Variants in KCNH1 observed in about 807,000 individuals in gnomAD.
KCNH1 encodes voltage-gated delayed rectifier potassium channel KCNH1.
Under a neutral mutation model 69.2 loss-of-function variants are expected in KCNH1, and 27 were observed. That is an observed-to-expected ratio of 0.39 (90% CI 0.29 to 0.54). The LOEUF (loss-of-function observed/expected upper bound fraction) is 0.54. Among genes scored for constraint, KCNH1 ranks in the 20% least tolerant of loss-of-function variants. The pLI, the probability that KCNH1 is intolerant of heterozygous loss-of-function variation, is 0.68. For missense variants in KCNH1, 798 were observed against 1,261.6 expected (o/e 0.63, Z 5.57); for synonymous variants, 456 against 487.7 (o/e 0.93, Z 0.86).
At chr1:210,853,650 T>G (rs1169948866) in intron 7 of KCNH1, among the ~76,000 whole-genome samples, 1 of 152,190 alleles carries the variant, frequency 6.6e-6, no homozygotes, top group Admixed American at 6.5e-5. Flanking sequence ...AAAGCCACAG[T>G]TGGACCTAGC....
At chr1:210,928,560 C>T (rs529227855) in intron 6 of KCNH1, among the ~76,000 whole-genome samples, 1 of 152,224 alleles carries the variant, frequency 6.6e-6, no homozygotes, top group East Asian at 1.9e-4. Flanking sequence ...TGGAATACAG[C>T]AAAAGCAGTG....
chr1:210,929,776 C>A (rs1248830922), intron 6 of KCNH1, among the ~76,000 whole-genome samples: 1 of 152,134 alleles, frequency 6.6e-6, no homozygotes, highest in African/African-American at 2.4e-5. Context: ...ACCTAGAAAA[C>A]CCTAAAGACT....
intron 5 of KCNH1, among the ~76,000 whole-genome samples, chr1:211,073,812 G>A (rs1189323093): frequency 1.3e-5 from 2 of 151,550 alleles, no homozygotes; most frequent in African/African-American, 4.8e-5. Flanking sequence ...AAAAATTAAA[G>A]CAAATTAAAT....
chr1:210,690,047 C>T (rs1012791642), intron 10 of KCNH1, among the ~76,000 whole-genome samples: 3 of 152,254 alleles, frequency 2.0e-5, no homozygotes, highest in Non-Finnish European at 2.9e-5. Flanking sequence ...TGTACTCACA[C>T]TTCCAGCCAG....
chr1:211,101,455 T>C (rs1037101798), intron 3 of KCNH1, among the ~76,000 whole-genome samples: 6 of 152,224 alleles, frequency 3.9e-5, no homozygotes, highest in Admixed American at 3.9e-4. Context: ...ATTATCTGCA[T>C]CATTTCCTTA....
chr1:211,023,540 A>C (rs1024844012), intron 5 of KCNH1, among the ~76,000 whole-genome samples: 3 of 151,704 alleles, frequency 2.0e-5, no homozygotes, highest in African/African-American at 7.3e-5. Context: ...ATGTTAAATG[A>C]AATAAGCCAG....
chr1:211,069,767 T>C (rs1278743177), intron 5 of KCNH1, among the ~76,000 whole-genome samples: 1 of 152,252 alleles, frequency 6.6e-6, no homozygotes, highest in African/African-American at 2.4e-5. Context: ...CAGTTAGTTA[T>C]GCAGTTATGA....
At position 210,778,767 on chromosome 1, in the gene KCNH1, G is replaced by A. The variant is rs183065026; in HGVS notation, c.1916-3223C>T. 9.9e-5 allele frequency among the ~76,000 whole-genome samples: 15 copies of A among 152,282 alleles called. No individual in the cohort carries two copies. The East Asian group carries it at 2.9e-3, about 29-fold the overall frequency. On this transcript the variant is annotated intron_variant, in intron 9 of 10. Transcript: ENST00000271751. ...CCTATTGGGATGAAATGTGGTATAA[G>A]CCAGAACTATTGAGAGTAGAAGCTA...
chr1:210,685,116 A>G (rs908026745), intron 10 of KCNH1, among the ~76,000 whole-genome samples: 1 of 152,236 alleles, frequency 6.6e-6, no homozygotes, highest in Non-Finnish European at 1.5e-5. Context: ...TGAGTGCAGC[A>G]TAAGCCACAG....
At chr1:210,894,365 T>C (rs373039614) in intron 7 of KCNH1, among the ~76,000 whole-genome samples, 3 of 152,206 alleles carry the variant, frequency 2.0e-5, no homozygotes, top group African/African-American at 7.2e-5. Flanking sequence ...GTCCCGTCAA[T>C]ACAGCTGGCC....
chr1:211,002,031 G>T (rs12403500), intron 6 of KCNH1, among the ~76,000 whole-genome samples: 61 of 150,020 alleles, frequency 4.1e-4, no homozygotes, highest in African/African-American at 1.4e-3. Context: ...GGGAGTGGGG[G>T]GGGATAGCAT....
At chr1:210,754,459 A>C (rs2102342172) in intron 10 of KCNH1, among the ~76,000 whole-genome samples, 1 of 152,090 alleles carries the variant, frequency 6.6e-6, no homozygotes, top group African/African-American at 2.4e-5. Context: ...CCCTGCCCAA[A>C]TTTCATGTTG....
intron 6 of KCNH1, among the ~76,000 whole-genome samples, chr1:210,976,809 G>A (rs1688621435): frequency 6.7e-6 from 1 of 149,584 alleles, no homozygotes; most frequent in Admixed American, 6.7e-5. Context: ...AGAAACAACA[G>A]GTGCTGGAGA....
Position 210,804,035 on chromosome 1 carries a change from A to G in KCNH1, c.1594T>C (p.Leu532=). ...ATATAATCCATTACTCGCTCACTCA[A>G]TCCTTTTGGCACCTGGTAGAGCTTC... The part of the protein sequence containing the change: ...FLKLYQVPKG[L]SERVMDYIVS... The change falls in exon 8 of 11, where the codon TTG becomes CTG. Residue 532 remains leucine, a synonymous_variant. Transcript: ENST00000271751. 1 of 1,614,056 alleles carries G rather than the reference A, an allele frequency of 6.2e-7. No homozygotes were observed. Among genetic ancestry groups the G allele is most frequent in the South Asian group, 1.1e-5 (1 of 91,074 alleles).
intron 7 of KCNH1, among the ~76,000 whole-genome samples, chr1:210,842,895 A>C (rs145293981): frequency 6.6e-6 from 1 of 152,340 alleles, no homozygotes; most frequent in Non-Finnish European, 1.5e-5. Context: ...AACAGCATAC[A>C]TCTGTGAGAC....
intron 7 of KCNH1, among the ~76,000 whole-genome samples, chr1:210,914,960 C>T (rs10863868): frequency 0.61 from 92,561 of 151,888 alleles, 28,403 homozygotes; most frequent in East Asian, 0.84. Flanking sequence ...GGCTGACTTA[C>T]AATGACAGGA....
intron 5 of KCNH1, among the ~76,000 whole-genome samples, chr1:211,068,619 C>A (rs1354332549): frequency 6.6e-6 from 1 of 152,198 alleles, no homozygotes; most frequent in Non-Finnish European, 1.5e-5. Context: ...TCATCTTGAA[C>A]CCCTGACCTT....
chr1:210,693,102 C>A lies in KCNH1; in HGVS notation c.2113-8964G>T, dbSNP rs374909359. On this transcript the variant is annotated intron_variant, in intron 10 of 10. Transcript: ENST00000271751. ...ATAGAAGCCAACAAGACAATGGATG[C>A]AAGTGCCCACACCCGCCGTGTGCTG... Among the ~76,000 whole-genome samples, 4 of 152,342 alleles carry A rather than the reference C, an allele frequency of 2.6e-5. No individual in the cohort carries two copies. The East Asian group carries it at 7.7e-4, about 29-fold the overall frequency.
chr1:211,047,684 T>C (rs1394608812), intron 5 of KCNH1, among the ~76,000 whole-genome samples: 1 of 152,206 alleles, frequency 6.6e-6, no homozygotes, highest in Non-Finnish European at 1.5e-5. Flanking sequence ...AGTGTGTGTG[T>C]GTGTACATTC....
Sources: allele counts gnomAD v4.1 joint callset (sites outside exome capture counted in the v4.1 genomes callset), GRCh38; gene constraint gnomAD v4.1.1; transcripts MANE v1.5; gene names NCBI Gene and HGNC (gene_info 2026-07-23, HGNC 2026-07-21).